REEP1: variants seen among roughly 807,000 people sequenced by gnomAD.
The protein encoded by REEP1 is receptor expression-enhancing protein 1.
A neutral mutation model predicts 40.3 loss-of-function variants in REEP1; 22 were observed. That is an observed-to-expected ratio of 0.55 (90% CI 0.39 to 0.78). The LOEUF (loss-of-function observed/expected upper bound fraction) is 0.78. REEP1 is among the 30% of genes least tolerant of loss of function. The pLI is 0.00. For synonymous variants in REEP1, 116 were observed against 139.2 expected, an observed-to-expected ratio of 0.83 and a Z score of 1.17; for missense variants, 280 against 361.1, an observed-to-expected ratio of 0.78 and a Z score of 1.82.
intron 5 of REEP1, among the ~76,000 whole-genome samples, chr2:86,234,432 C>T (rs1034744220): frequency 2.0e-5 from 3 of 152,046 alleles, no homozygotes; most frequent in Middle Eastern, 3.2e-3. Context: ...GTGGGAGGAC[C>T]GCCTGAGCCC....
intron 1 of REEP1, among the ~76,000 whole-genome samples, chr2:86,328,422 C>T (rs1235524326): frequency 6.6e-6 from 1 of 152,244 alleles, no homozygotes; most frequent in Non-Finnish European, 1.5e-5. Flanking sequence ...TGGCTCATGC[C>T]TGTAATTCCA....
At chr2:86,293,069 AATTCATTC>A (rs10524777) in intron 1 of REEP1, among the ~76,000 whole-genome samples, 22 of 150,948 alleles carry the variant, frequency 1.5e-4, no homozygotes, top group South Asian at 1.1e-3. Context: ...TAAGAGGTTA[AATTCATTC>A]ATTCATTCAT....
At chr2:86,252,550 G>C (rs1318155605) in intron 4 of REEP1, among the ~76,000 whole-genome samples, 1 of 152,210 alleles carries the variant, frequency 6.6e-6, no homozygotes, top group Non-Finnish European at 1.5e-5. Flanking sequence ...AACTTGCGGA[G>C]CATGGTGAGG....
At chr2:86,228,044 C>T (rs1216920630) in intron 6 of REEP1, among the ~76,000 whole-genome samples, 1 of 152,198 alleles carries the variant, frequency 6.6e-6, no homozygotes, top group Non-Finnish European at 1.5e-5. Flanking sequence ...CCATGTCAGT[C>T]CCTGCCTGCC....
intron 1 of REEP1, among the ~76,000 whole-genome samples, chr2:86,328,108 A>G (rs1307627983): frequency 1.3e-5 from 2 of 151,822 alleles, no homozygotes; most frequent in Admixed American, 6.6e-5. Context: ...GGATCCTGCA[A>G]CTCCCTCAGG....
intron 5 of REEP1, among the ~76,000 whole-genome samples, chr2:86,241,471 A>T (rs1419717156): frequency 6.6e-6 from 1 of 152,190 alleles, no homozygotes; most frequent in Admixed American, 6.5e-5. Context: ...CTGATCGATC[A>T]TCAGAAGAGC....
chr2:86,219,885 G>A, intron 8 of REEP1, 85 bp downstream of exon 8: 1 of 1,095,458 alleles, frequency 9.1e-7, no homozygotes, highest in Non-Finnish European at 1.2e-6. Flanking sequence ...GGTGCCCCAA[G>A]AGATGCTGCT....
chr2:86,246,981 G>A (rs1676001902), intron 5 of REEP1, among the ~76,000 whole-genome samples: 3 of 152,124 alleles, frequency 2.0e-5, no homozygotes, highest in Non-Finnish European at 2.9e-5. Context: ...GATTACAGGC[G>A]TGAGCCACCA....
intron 5 of REEP1, 53 bp downstream of exon 5, chr2:86,251,904 G>A: frequency 8.2e-7 from 1 of 1,220,754 alleles, no homozygotes; most frequent in Non-Finnish European, 1.2e-6. Context: ...TGATGAGCAG[G>A]GCACACTAGA....
chr2:86,330,414 GGTGTGTGT>G lies in REEP1; in HGVS notation c.32+7057_32+7064del, dbSNP rs55660803. On this transcript the variant is annotated intron_variant, in intron 1 of 8. Coordinates refer to ENST00000538924, the MANE Select transcript of REEP1 (RefSeq NM_001371279.1). ...GACTCTCCCTACCACAGTGAATCCT[GGTGTGTGT>G]GTGTGTGTGTGTGTGTGTGTGTGTG... 8.2e-3 allele frequency among the ~76,000 whole-genome samples: 1,047 copies of G among 127,856 alleles called. 8 individuals carry two copies. Among genetic ancestry groups the G allele is most frequent in the African/African-American group, 0.015 (504 of 34,288 alleles). The allele number at this position is 127,856 out of a possible 152,430, so 83.9% of individuals were successfully genotyped here.
chr2:86,302,497 G>A (rs533969409), intron 1 of REEP1, among the ~76,000 whole-genome samples: 9 of 152,284 alleles, frequency 5.9e-5, no homozygotes, highest in African/African-American at 2.2e-4. Flanking sequence ...GCTATCCTCT[G>A]ATCCAGTAAT....
intron 1 of REEP1, among the ~76,000 whole-genome samples, chr2:86,330,345 G>T (rs1351487080): frequency 6.6e-6 from 1 of 151,692 alleles, no homozygotes; most frequent in Non-Finnish European, 1.5e-5. Flanking sequence ...AGCAGAAATG[G>T]CATGTTATCA....
intron 1 of REEP1, among the ~76,000 whole-genome samples, chr2:86,333,381 T>C (rs1680862882): frequency 6.6e-6 from 1 of 152,232 alleles, no homozygotes; most frequent in Admixed American, 6.5e-5. Flanking sequence ...GCCATCAAAC[T>C]AAGACTCTGT....
chr2:86,228,017 T>G (rs1312166139), intron 6 of REEP1, among the ~76,000 whole-genome samples: 1 of 152,142 alleles, frequency 6.6e-6, no homozygotes, highest in East Asian at 1.9e-4. Context: ...ACCTTCCAGC[T>G]CATTCTGCAG....
chr2:86,310,082 G>A (rs905841202), intron 1 of REEP1, among the ~76,000 whole-genome samples: 1 of 152,156 alleles, frequency 6.6e-6, no homozygotes, highest in Non-Finnish European at 1.5e-5. Context: ...AGGTCAAGAA[G>A]TAGTTACTTC....
chr2:86,325,542 T>C (rs532169965), intron 1 of REEP1, among the ~76,000 whole-genome samples: 1 of 152,218 alleles, frequency 6.6e-6, no homozygotes, highest in Admixed American at 6.5e-5. Context: ...ATTTGATTTG[T>C]GATTAAATGT....
intron 7 of REEP1, 87 bp from the exon 8 acceptor site, chr2:86,220,208 C>T: frequency 1.1e-6 from 1 of 931,532 alleles, no homozygotes; most frequent in Non-Finnish European, 1.4e-6. Context: ...CAAGGTTAGG[C>T]ACACAGCACA....
At chr2:86,264,124 G>T in intron 2 of REEP1, 83 bp from the exon 3 acceptor site, 1 of 1,004,288 alleles carries the variant, frequency 1.0e-6, no homozygotes, top group Non-Finnish European at 1.6e-6. Flanking sequence ...GGCCCCGGCG[G>T]CAGATACGGA....
intron 1 of REEP1, among the ~76,000 whole-genome samples, chr2:86,310,505 T>G (rs184151659): frequency 6.6e-6 from 1 of 152,116 alleles, no homozygotes; most frequent in Admixed American, 6.5e-5. Flanking sequence ...AATGAAAAAA[T>G]CATCTAGTGA....
Sources: gnomAD v4.1 joint callset for allele counts (sites outside exome capture counted in the v4.1 genomes callset) on GRCh38, gnomAD v4.1.1 for gene constraint, MANE v1.5 for transcripts, NCBI Gene and HGNC (gene_info 2026-07-23, HGNC 2026-07-21) for gene names.